Variants in SCRIB observed in about 807,000 individuals in gnomAD.
SCRIB encodes scribble planar cell polarity protein.
SCRIB carries 72 observed loss-of-function variants against 170.0 expected under a neutral mutation model. The ratio of observed to expected loss-of-function variants is 0.42; its 90% CI spans 0.35 to 0.52. The LOEUF (loss-of-function observed/expected upper bound fraction) is 0.52, where lower values mean the gene tolerates loss of function less well. Among genes scored for constraint, SCRIB ranks in the 20% least tolerant of loss-of-function variants. The pLI, the probability that SCRIB is intolerant of heterozygous loss-of-function variation, is 0.02. For missense variants in SCRIB, 2,475 were observed against 2,338.5 expected (o/e 1.06, Z -1.20); for synonymous variants, 1,298 against 1,044.3 (o/e 1.24, Z -4.68).
rs1816058563 is a variant in SCRIB at position 143,815,603 on chromosome 8, T to C, written c.-231A>G. 1 of 981,792 alleles carries C rather than the reference T, an allele frequency of 1.0e-6. No homozygotes were observed. Among genetic ancestry groups the C allele is most frequent in the Non-Finnish European group, 1.2e-6 (1 of 828,452 alleles). 60.8% of individuals were successfully genotyped at this position (981,792 alleles called of 1,614,324 possible). The stretch of plus-strand genomic sequence containing the variant: ...CGCGGCCCGGCGGGTCTCAGACTCT[T>C]AGGAAGCGCGGGGAGCGGCGGCGGC... On this transcript the variant is annotated 5_prime_UTR_variant, in exon 1 of 37. Coordinates refer to ENST00000356994, the MANE Select transcript of SCRIB (RefSeq NM_182706.5).
chr8:143,814,971 A>G, intron 1 of SCRIB: 1 of 508,204 alleles, frequency 2.0e-6, no homozygotes, highest in Non-Finnish European at 3.4e-6. Flanking sequence ...TTTCACTCTG[A>G]GGCTCCGCCT....
At position 143,808,954 on chromosome 8, in the gene SCRIB, C is replaced by T. The variant is rs911834957; in HGVS notation, c.1770G>A (p.Glu590=). The part of the protein sequence containing the change: ...DDREIEEGQP[E]APWTLPGGRQ... ...TCCCGCCTGGCAGGGTCCAGGGGGC[C>T]TCAGGCTGCCCCTCCTCGATCTCCC... is the stretch of plus-strand genomic sequence containing the variant. The change falls in exon 15 of 37, where the codon GAG becomes GAA. Residue 590 remains glutamate, a synonymous_variant. Coordinates refer to ENST00000356994, the MANE Select transcript of SCRIB (RefSeq NM_182706.5). 1 of 1,612,924 alleles carries T rather than the reference C, an allele frequency of 6.2e-7. No homozygotes were observed. The highest frequency in any genetic ancestry group is 8.5e-7 in the Non-Finnish European group (1 of 1,180,004).
intron 21 of SCRIB, 84 bp from the exon 22 acceptor site, chr8:143,804,240 C>A: frequency 9.5e-7 from 1 of 1,049,424 alleles, no homozygotes; most frequent in South Asian, 1.6e-5. Flanking sequence ...CCGTCCCGGT[C>A]CTTGGGGATG....
Position 143,814,366 on chromosome 8 carries a change from G to A in SCRIB, c.160-248C>T, listed in dbSNP as rs138006331. ...CCTCCACTCTGAGAAGACACCTGCT[G>A]GCGACCAGACAAAGCCCCAATCCCC... On this transcript the variant is annotated intron_variant, in intron 1 of 36. Coordinates refer to ENST00000356994, the MANE Select transcript of SCRIB (RefSeq NM_182706.5). Among the ~76,000 whole-genome samples, 6 of 151,826 alleles carry A rather than the reference G, an allele frequency of 4.0e-5. No individual in the cohort carries two copies. In the East Asian group the frequency reaches 9.8e-4, roughly 25 times the overall value.
chr8:143,813,250 T>G, intron 6 of SCRIB, 61 bp downstream of exon 6: 1 of 1,606,242 alleles, frequency 6.2e-7, no homozygotes. Context: ...CGCTGTCCCC[T>G]TCTTTGCCCT....
Position 143,810,613 on chromosome 8 carries a change from G to T in SCRIB, c.1405-9C>A, listed in dbSNP as rs376011577. 6.2e-7 allele frequency: 1 copy of T among 1,611,016 alleles called. No individual in the cohort carries two copies. On this transcript the variant is annotated splice_polypyrimidine_tract_variant and intron_variant, in intron 12 of 36. Transcript: ENST00000356994. ...GCCCGGCGCTGTAGGCCCTGTTGTA[G>T]GGACAAGGATGAGCAGCAGCCACAG...
chr8:143,812,269 C>T lies in SCRIB; in HGVS notation c.903G>A (p.Leu301=). 6.3e-7 allele frequency: 1 copy of T among 1,598,024 alleles called. No homozygotes were observed. Among genetic ancestry groups the T allele is most frequent in the East Asian group, 2.2e-5 (1 of 44,828 alleles). The change falls in exon 9 of 37, where the codon CTG becomes CTA. Residue 301 remains leucine (L), a synonymous_variant. Coordinates refer to ENST00000356994, the MANE Select transcript of SCRIB (RefSeq NM_182706.5). ...TGCCTCCCAAGCCAGACCCTACCAT[C>T]AGCAGGTTCTCCGTGAGGATCAGCT... is the stretch of plus-strand genomic sequence containing the variant. ...LSELILTENL[L]MALPRSLGKL... is the part of the protein sequence containing the mutation.
chr8:143,808,511 G>A, intron 15 of SCRIB, 98 bp downstream of exon 15: 1 of 1,412,996 alleles, frequency 7.1e-7, no homozygotes, highest in Non-Finnish European at 9.4e-7. Context: ...GTGGCCAGGG[G>A]CCAGTGGGTC....
At chr8:143,812,993 G>A (rs752422728) in intron 7 of SCRIB, 32 bp from the exon 8 acceptor site, 25 of 1,611,214 alleles carry the variant, frequency 1.6e-5, no homozygotes, top group East Asian at 2.2e-5. Flanking sequence ...GAGCGCGGAT[G>A]GGCACGAAGC....
chr8:143,795,546 T>C lies in SCRIB; in HGVS notation c.3604-16A>G. 1 of 1,600,762 alleles carries C rather than the reference T, an allele frequency of 6.2e-7. No homozygotes were observed. The highest frequency in any genetic ancestry group is 8.5e-7 in the Non-Finnish European group (1 of 1,172,378). The stretch of plus-strand genomic sequence containing the variant: ...CTGGGGACACCTGAGAAGAGGGGTG[T>C]GGGCTAAGAAGGGGGGACTGCAACC... On this transcript the variant is annotated splice_polypyrimidine_tract_variant and intron_variant, in intron 24 of 36. Transcript: ENST00000356994.
intron 27 of SCRIB, 119 bp from the exon 28 acceptor site, chr8:143,794,081 G>C (rs1188350883): frequency 1.3e-4 from 113 of 896,248 alleles, no homozygotes; most frequent in Non-Finnish European, 1.7e-4. Context: ...TCCCCAACCT[G>C]ACTATAGCCC....
At position 143,805,452 on chromosome 8, in the gene SCRIB, A is replaced by C; in HGVS notation, c.2347-17T>G. On this transcript the variant is annotated splice_polypyrimidine_tract_variant and intron_variant, in intron 18 of 36. Transcript: ENST00000356994. ...ACCATTCACCTGCGGGCCAGGGACC[A>C]CGTGCGTATTCAGGACCCAGTGCCG... 5 of 1,466,918 alleles carry C rather than the reference A, an allele frequency of 3.4e-6. No individual in the cohort carries two copies. Among genetic ancestry groups the C allele is most frequent in the Non-Finnish European group, 4.5e-6 (5 of 1,110,316 alleles). 90.9% of individuals were successfully genotyped at this position (1,466,918 alleles called of 1,614,324 possible). A position where few individuals can be genotyped will look rare whatever the true frequency, so the allele number is the denominator to read the frequency against.
Position 143,815,315 on chromosome 8 carries a change from G to A in SCRIB, c.58C>T (p.Arg20Trp). 6.3e-7 allele frequency: 1 copy of A among 1,579,962 alleles called. No homozygotes were observed. The highest frequency in any genetic ancestry group is 8.6e-7 in the Non-Finnish European group (1 of 1,165,638). The change falls in exon 1 of 37, where the codon CGG becomes TGG. Residue 20 changes from arginine (R) to tryptophan (W), a missense_variant. By Grantham distance (101) the Arg-to-Trp change is moderately radical (BLOSUM62 -3). Transcript: ENST00000356994. ...GGCACGGCCTGCAGCGAACAGTGCC[G>A]CTTGTCCACCGACTCCACGTGCCGG... is the stretch of plus-strand genomic sequence containing the variant. ...CNRHVESVDK[R>W]HCSLQAVPEE...
At position 143,805,258 on chromosome 8, in the gene SCRIB, C is replaced by G; in HGVS notation, c.2524G>C (p.Gly842Arg). ...DDYSPRERRG[G>R]GLRLPLLPPE... is the part of the protein sequence containing the mutation. The stretch of plus-strand genomic sequence containing the variant: ...GGGAGCAGGGGCAGGCGCAGCCCCC[C>G]TCCCCGCCGCTCTCGGGGGCTGTAA... Residue 842 changes from glycine (G) to arginine (R), a missense_variant, in exon 19 of 37, where the codon GGG (glycine) becomes CGG (arginine). Physicochemically the swap from Gly to Arg is moderately radical, Grantham distance 125. Transcript: ENST00000356994. 1.3e-6 allele frequency: 2 copies of G among 1,532,032 alleles called. No individual in the cohort carries two copies. The highest frequency in any genetic ancestry group is 1.7e-6 in the Non-Finnish European group (2 of 1,144,044). The allele number at this position is 1,532,032 out of a possible 1,614,324, so 94.9% of individuals were successfully genotyped here. A position where few individuals can be genotyped will look rare whatever the true frequency, so the allele number is the denominator to read the frequency against.
At chr8:143,798,820 T>C (rs2130032640) in intron 24 of SCRIB, among the ~76,000 whole-genome samples, 1 of 151,562 alleles carries the variant, frequency 6.6e-6, no homozygotes, top group African/African-American at 2.4e-5. Flanking sequence ...GGCCCATGGT[T>C]ATAGGAGCCC....
intron 13 of SCRIB, 30 bp from the exon 14 acceptor site, chr8:143,809,748 C>G: frequency 6.3e-7 from 1 of 1,594,716 alleles, no homozygotes; most frequent in Non-Finnish European, 8.5e-7. Context: ...CAGGCTTCGA[C>G]GGAGCTCCCG....
chr8:143,813,345 T>A lies in SCRIB; in HGVS notation c.533A>T (p.Gln178Leu). Reference protein sequence around the residue: ...ASLSFLVKLEQLDLGGNDLEV... With the variant: ...ASLSFLVKLELLDLGGNDLEV... Reference sequence around the variant, plus strand: ...CAGATCGTTGCCTCCCAGATCCAGCTGTTCCAGCTTGACCAGAAATGACAG... The same window carrying A: ...CAGATCGTTGCCTCCCAGATCCAGCAGTTCCAGCTTGACCAGAAATGACAG... Residue 178 changes from glutamine (Q) to leucine (L), a missense_variant, in exon 6 of 37, where the codon CAG (glutamine) becomes CTG (leucine). Around this residue, in one of 3 missense-constraint regions of SCRIB, gnomAD observed 487 missense variants for 558.1 expected, o/e 0.87. Transcript: ENST00000356994. 3 of 1,613,622 alleles carry A rather than the reference T, an allele frequency of 1.9e-6. No homozygotes were observed. Among genetic ancestry groups the A allele is most frequent in the Non-Finnish European group, 1.7e-6 (2 of 1,180,030 alleles).
chr8:143,791,086 G>C lies in SCRIB; in HGVS notation c.*77C>G. 1 of 1,346,416 alleles carries C rather than the reference G, an allele frequency of 7.4e-7. No individual in the cohort carries two copies. Among genetic ancestry groups the C allele is most frequent in the Non-Finnish European group, 9.5e-7 (1 of 1,048,808 alleles). The allele number at this position is 1,346,416 out of a possible 1,614,324, so 83.4% of individuals were successfully genotyped here. On this transcript the variant is annotated 3_prime_UTR_variant, in exon 37 of 37. Coordinates refer to ENST00000356994, the MANE Select transcript of SCRIB (RefSeq NM_182706.5). ...GTCTCTTTAAAATGCTAACACCCAG[G>C]TTAAAAGACTTGGGGCAAGGGTGGT... is the stretch of plus-strand genomic sequence containing the variant.
intron 24 of SCRIB, among the ~76,000 whole-genome samples, chr8:143,797,391 G>A (rs1325432800): frequency 6.6e-6 from 1 of 152,236 alleles, no homozygotes; most frequent in African/African-American, 2.4e-5. Flanking sequence ...GCAGGAAGCT[G>A]CCTGATGAGT....
Sources: gnomAD v4.1 joint callset for allele counts (sites outside exome capture counted in the v4.1 genomes callset) on GRCh38, gnomAD v4.1.1 for gene constraint, gnomAD v4.1.1 regional missense constraint, MANE v1.5 for transcripts, NCBI Gene and HGNC (gene_info 2026-07-23, HGNC 2026-07-21) for gene names.